Variants in PLEKHG1 observed in about 807,000 individuals in gnomAD.
PLEKHG1 encodes pleckstrin homology and RhoGEF domain containing G1, also known as pleckstrin homology domain-containing family G member 1.
In PLEKHG1, 44 loss-of-function variants were observed where a neutral mutation model predicts 100.8. The ratio of observed to expected loss-of-function variants is 0.44; its 90% confidence interval spans 0.34 to 0.56. The LOEUF (loss-of-function observed/expected upper bound fraction) is 0.56. Among genes scored for constraint, PLEKHG1 ranks in the 20% least tolerant of loss-of-function variants. The probability of loss-of-function intolerance (pLI) is 0.01; values close to 1 mark genes in which losing one functional copy is unlikely to be tolerated. For synonymous variants in PLEKHG1, 640 were observed against 662.5 expected (o/e 0.97, Z 0.52); for missense variants, 1,545 against 1,720.9 (o/e 0.90, Z 1.81).
intron 3 of PLEKHG1, among the ~76,000 whole-genome samples, chr6:150,698,824 T>G (rs1002105363): frequency 1.3e-5 from 2 of 152,224 alleles, no homozygotes; most frequent in Non-Finnish European, 2.9e-5. Context: ...AGCATTTGTA[T>G]CTGCAAATGA....
intron 7 of PLEKHG1, among the ~76,000 whole-genome samples, chr6:150,806,161 G>A (rs1028688709): frequency 2.0e-5 from 3 of 149,056 alleles, no homozygotes; most frequent in Non-Finnish European, 3.0e-5. Context: ...CAGCCAGAGT[G>A]TGGTGTGATG....
chr6:150,832,515 C>T (rs1416805806), intron 15 of PLEKHG1, among the ~76,000 whole-genome samples: 1 of 152,044 alleles, frequency 6.6e-6, no homozygotes, highest in Non-Finnish European at 1.5e-5. Flanking sequence ...CAGTTTTAAC[C>T]TGTGCTATCT....
At chr6:150,826,105 C>T (rs138367250) in intron 14 of PLEKHG1, among the ~76,000 whole-genome samples, 1 of 152,120 alleles carries the variant, frequency 6.6e-6, no homozygotes, top group African/African-American at 2.4e-5. Flanking sequence ...TTGCTTGAAC[C>T]CAGGAGGTGG....
chr6:150,757,779 T>G (rs541347492), intron 2 of PLEKHG1, among the ~76,000 whole-genome samples: 1 of 152,320 alleles, frequency 6.6e-6, no homozygotes, highest in East Asian at 1.9e-4. Context: ...CATGGTGGTT[T>G]GCTGTGCAGA....
chr6:150,703,600 T>TAAAAA (rs71690247), intron 3 of PLEKHG1, among the ~76,000 whole-genome samples: 5 of 129,070 alleles, frequency 3.9e-5, no homozygotes, highest in African/African-American at 1.2e-4. Flanking sequence ...GACTCCATCT[T>TAAAAA]AAAAAAAAAA....
intron 1 of PLEKHG1, among the ~76,000 whole-genome samples, chr6:150,606,881 T>C (rs1582797503): frequency 6.6e-6 from 1 of 152,116 alleles, no homozygotes; most frequent in East Asian, 1.9e-4. Flanking sequence ...TGGGGCATTC[T>C]TCAGCTCCTC....
At chr6:150,640,570 C>T (rs1298310404) in intron 2 of PLEKHG1, among the ~76,000 whole-genome samples, 1 of 152,136 alleles carries the variant, frequency 6.6e-6, no homozygotes, top group Admixed American at 6.6e-5. Flanking sequence ...ATTTATATAT[C>T]ATCCGGACTC....
chr6:150,830,950 G>C, exon 15 of PLEKHG1: 1 of 1,614,018 alleles, frequency 6.2e-7, no homozygotes, highest in Non-Finnish European at 8.5e-7. Flanking sequence ...GCAGTGCTGG[G>C]GAGAGCAACA....
At chr6:150,697,108 A>AG (rs1554260992) in intron 3 of PLEKHG1, among the ~76,000 whole-genome samples, 3 of 147,230 alleles carry the variant, frequency 2.0e-5, no homozygotes, top group Non-Finnish European at 4.5e-5. Context: ...AGAAAAAAAA[A>AG]AAGAAGAAGA....
intron 1 of PLEKHG1, among the ~76,000 whole-genome samples, chr6:150,620,642 T>C (rs1481309494): frequency 6.6e-6 from 1 of 152,246 alleles, no homozygotes; most frequent in African/African-American, 2.4e-5. Flanking sequence ...TTTCAAAAAT[T>C]GGTCTATTTC....
At chr6:150,680,793 T>C (rs1779903582) in intron 3 of PLEKHG1, among the ~76,000 whole-genome samples, 1 of 151,824 alleles carries the variant, frequency 6.6e-6, no homozygotes, top group Non-Finnish European at 1.5e-5. Flanking sequence ...TTGGAGCGAG[T>C]TGGGGAAGAG....
chr6:150,757,727 A>G (rs1034844772), intron 2 of PLEKHG1, among the ~76,000 whole-genome samples: 3 of 152,164 alleles, frequency 2.0e-5, no homozygotes, highest in African/African-American at 7.2e-5. Flanking sequence ...TCCGGGGTAC[A>G]TGTGCGGGAT....
rs33992485 is a variant in PLEKHG1, at chr6:150,706,613, C to CAAAAA, written c.-98-26962_-98-26958dup. ...AGGGCAACAGAGCAAGACTCTGTCT[C>CAAAAA]AAAAAAAAAAAAATCAAAAACAAAA... On this transcript the variant is annotated intron_variant, in intron 3 of 3. Coordinates refer to the PLEKHG1 transcript ENST00000367326. Among the ~76,000 whole-genome samples the CAAAAA allele has an allele frequency of 1.7e-3, 250 of 143,992 alleles. 9 individuals carry two copies. In the East Asian group the frequency reaches 0.039, roughly 23 times the overall value. The allele number at this position is 143,992 out of a possible 152,430, so 94.5% of individuals were successfully genotyped here.
chr6:150,733,658 T>TC, exon 2 of PLEKHG1: 1 of 1,614,116 alleles, frequency 6.2e-7, no homozygotes, highest in Non-Finnish European at 8.5e-7. Flanking sequence ...AGCCAGGCGT[T>TC]CCTGCCCTCA....
chr6:150,727,405 T>C (rs927084758), intron 1 of PLEKHG1, among the ~76,000 whole-genome samples: 1 of 152,156 alleles, frequency 6.6e-6, no homozygotes, highest in African/African-American at 2.4e-5. Context: ...CCAAGAAGCA[T>C]TGCTTTTGAT....
At chr6:150,818,137 GAA>G in intron 10 of PLEKHG1, 44 bp from the exon 12 acceptor site, 1 of 1,486,810 alleles carries the variant, frequency 6.7e-7, no homozygotes, top group Admixed American at 1.8e-5. Context: ...GGAGTTTAAA[GAA>G]AAAAAAAGCA....
upstream of PLEKHG1, among the ~76,000 whole-genome samples, chr6:150,719,812 G>T (rs1781595395): frequency 6.6e-6 from 1 of 152,166 alleles, no homozygotes. Flanking sequence ...TTCTCAGCAT[G>T]CTGGATTTAC....
intron 3 of PLEKHG1, among the ~76,000 whole-genome samples, chr6:150,673,616 T>G (rs1031078332): frequency 6.6e-5 from 10 of 151,844 alleles, no homozygotes; most frequent in South Asian, 4.2e-4. Flanking sequence ...CTTCCTGTCT[T>G]TCTTTCCTTC....
intron 1 of PLEKHG1, chr6:150,624,730 G>T (rs1777440732): frequency 6.6e-6 from 1 of 152,124 alleles, no homozygotes; most frequent in Non-Finnish European, 1.5e-5. Context: ...ACAACAGCAG[G>T]CAGTGTTGGC....
Sources: allele counts gnomAD v4.1 joint callset (sites outside exome capture counted in the v4.1 genomes callset), GRCh38; gene constraint gnomAD v4.1.1; transcripts MANE v1.5; gene names NCBI Gene and HGNC (gene_info 2026-07-23, HGNC 2026-07-21).